LIAS: variants seen among roughly 807,000 people sequenced by gnomAD.
The protein encoded by LIAS is lipoic acid synthetase, also known as lipoyl synthase, mitochondrial.
Under a neutral mutation model 49.4 loss-of-function variants are expected in LIAS, and 36 were observed. The ratio of observed to expected loss-of-function variants is 0.73; its 90% CI spans 0.56 to 0.96. The LOEUF (loss-of-function observed/expected upper bound fraction) is 0.96, where lower values mean the gene tolerates loss of function less well. Ranked by LOEUF, LIAS falls within the 40% of genes least tolerant of loss-of-function variation. LIAS has a pLI of 0.00. For missense variants in LIAS, 399 were observed against 456.3 expected (o/e 0.87, Z 1.14); for synonymous variants, 145 against 155.8 (o/e 0.93, Z 0.52).
chr4:39,475,768 C>T (rs968125963), intron 10 of LIAS: 2 of 151,970 alleles, frequency 1.3e-5, no homozygotes, highest in African/African-American at 4.8e-5. Context: ...TTCTAGCTAC[C>T]CAGGAGGTTG....
In LIAS at chr4:39,478,206, C is replaced by A. The variant is rs1745270649; in HGVS notation, c.*1091C>A. 1 of 152,104 alleles carries A rather than the reference C, an allele frequency of 6.6e-6. No homozygotes were observed. Among genetic ancestry groups the A allele is most frequent in the South Asian group, 2.1e-4 (1 of 4,826 alleles). The allele number at this position is 152,104 out of a possible 1,614,324, so 9.4% of individuals were successfully genotyped here. A position where few individuals can be genotyped will look rare whatever the true frequency, so the allele number is the denominator to read the frequency against. On this transcript the variant is annotated 3_prime_UTR_variant, in exon 11 of 11. Transcript: ENST00000640888. ...GTAATATTGGAATAATTTAGAAAGGCTTAAGAGTGAATGTTGGCCAGATGT... is the reference window on the plus strand; with the variant it reads ...GTAATATTGGAATAATTTAGAAAGGATTAAGAGTGAATGTTGGCCAGATGT...
rs766866733 is a variant in LIAS, at chr4:39,471,517, A to AT, written c.954+238dup. Among the ~76,000 whole-genome samples, 1,406 of 74,236 alleles carry AT rather than the reference A, an allele frequency of 0.019. 218 individuals carry two copies. The highest frequency in any genetic ancestry group is 0.039 in the African/African-American group (797 of 20,602). 48.7% of individuals were successfully genotyped at this position (74,236 alleles called of 152,430 possible). A position where few individuals can be genotyped will look rare whatever the true frequency, so the allele number is the denominator to read the frequency against. On this transcript the variant is annotated intron_variant, in intron 9 of 10. Coordinates refer to ENST00000640888, the MANE Select transcript of LIAS (RefSeq NM_006859.4). The stretch of plus-strand genomic sequence containing the variant: ...TCCGGCTAAAATATACATATATATA[A>AT]TTTTTTTTTTTTTTTTTTTTTTTTT...
chr4:39,466,567 TA>T (rs59922900), intron 6 of LIAS: 70 of 144,068 alleles, frequency 4.9e-4, no homozygotes, highest in Non-Finnish European at 4.4e-4. Context: ...AAAAATAAAT[TA>T]AAAAAAAAAA....
At chr4:39,467,100 C>G (rs1744786249) in intron 6 of LIAS, 1 of 152,066 alleles carries the variant, frequency 6.6e-6, no homozygotes, top group African/African-American at 2.4e-5. Context: ...TTAAAGAAAT[C>G]AAAATTAAAG....
chr4:39,465,344 T>G lies in LIAS; in HGVS notation c.608+2T>G. 1 of 1,606,314 alleles carries G rather than the reference T, an allele frequency of 6.2e-7. No homozygotes were observed. The highest frequency in any genetic ancestry group is 1.1e-5 in the South Asian group (1 of 89,334). Reference sequence around the variant, plus strand: ...GACCGTATCATATTTAAAGGAAAGGTACTTATTTTTGCATTTGTGTAATTT... The same window carrying G: ...GACCGTATCATATTTAAAGGAAAGGGACTTATTTTTGCATTTGTGTAATTT... On this transcript the variant is annotated splice_donor_variant, in intron 6 of 10. Transcript: ENST00000640888. LOFTEE classifies it high-confidence loss of function.
chr4:39,472,204 A>C (rs1472259841), intron 9 of LIAS, among the ~76,000 whole-genome samples: 2 of 152,112 alleles, frequency 1.3e-5, no homozygotes, highest in Non-Finnish European at 2.9e-5. Flanking sequence ...TTTTTGAAGA[A>C]AATCATAAGG....
In LIAS at chr4:39,477,195, T is replaced by C; in HGVS notation, c.*80T>C. ...ATAACAGAGGTGGTGCCAGAATGCC[T>C]GGACTGCAGTGGATGTGCCCCACCT... is the stretch of plus-strand genomic sequence containing the variant. On this transcript the variant is annotated 3_prime_UTR_variant, in exon 11 of 11. Transcript: ENST00000640888. The C allele has an allele frequency of 9.6e-7, 1 of 1,036,718 alleles. No individual in the cohort carries two copies. The highest frequency in any genetic ancestry group is 1.4e-5 in the South Asian group (1 of 69,872). The allele number at this position is 1,036,718 out of a possible 1,614,324, so 64.2% of individuals were successfully genotyped here.
At chr4:39,459,706 GTTC>G (rs1645617112) in intron 1 of LIAS, among the ~76,000 whole-genome samples, 1 of 152,220 alleles carries the variant, frequency 6.6e-6, no homozygotes, top group African/African-American at 2.4e-5. Context: ...GATTTCTTAT[GTTC>G]TTGACTGCCA....
In LIAS at chr4:39,470,018, G is replaced by A. The variant is rs2109882811; in HGVS notation, c.738-1G>A. On this transcript the variant is annotated splice_acceptor_variant, in intron 7 of 10. Transcript: ENST00000640888. LOFTEE classifies it high-confidence loss of function. Reference sequence around the variant, plus strand: ...CTGACAACAGTCCTGCTGTTTTCCAGTAAGGTTCGTGATCCTCGGGCCAAT... The same window carrying A: ...CTGACAACAGTCCTGCTGTTTTCCAATAAGGTTCGTGATCCTCGGGCCAAT... The A allele has an allele frequency of 6.2e-7, 1 of 1,605,820 alleles. No individual in the cohort carries two copies. Among genetic ancestry groups the A allele is most frequent in the Middle Eastern group, 1.7e-4 (1 of 6,036 alleles).
intron 6 of LIAS, chr4:39,466,097 C>T (rs1744745418): frequency 6.6e-6 from 1 of 152,206 alleles, no homozygotes; most frequent in Non-Finnish European, 1.5e-5. Context: ...GCCTCAGCCT[C>T]CCAAGTAGCT....
intron 2 of LIAS, 38 bp downstream of exon 2, chr4:39,461,000 C>T: frequency 6.6e-7 from 1 of 1,516,996 alleles, no homozygotes; most frequent in Non-Finnish European, 8.9e-7. Flanking sequence ...CGTCCCGTTC[C>T]TTTATTGTGC....
chr4:39,466,091 C>T (rs1393445305), intron 6 of LIAS: 1 of 152,210 alleles, frequency 6.6e-6, no homozygotes, highest in African/African-American at 2.4e-5. Flanking sequence ...CCTTCTGCCT[C>T]AGCCTCCCAA....
chr4:39,463,589 C>T lies in LIAS; in HGVS notation c.377C>T (p.Ala126Val). 6.2e-7 allele frequency: 1 copy of T among 1,612,686 alleles called. No homozygotes were observed. Among genetic ancestry groups the T allele is most frequent in the Non-Finnish European group, 8.5e-7 (1 of 1,179,188 alleles). The change falls in exon 4 of 11, where the codon GCC becomes GTC. Residue 126 changes from alanine to valine, a missense_variant. Coordinates refer to ENST00000640888, the MANE Select transcript of LIAS (RefSeq NM_006859.4). ...ECWGGGEYAT[A>V]TATIMLMGDT... ...TGGGGAGGTGGAGAATATGCCACCG[C>T]CACAGCCACGATCATGGTAGGGCCA...
At position 39,459,080 on chromosome 4, in the gene LIAS, TC is replaced by T; in HGVS notation, c.-35del. Reference sequence around the variant, plus strand: ...CCTGTCCTTTCCCGGGAGTTAGCGATCCCTCAACCCCTGCACTGCGCTAGTC... The same window carrying T: ...CCTGTCCTTTCCCGGGAGTTAGCGATCCTCAACCCCTGCACTGCGCTAGTC... On this transcript the variant is annotated 5_prime_UTR_variant, in exon 1 of 11. Transcript: ENST00000640888. The T allele has an allele frequency of 6.2e-7, 1 of 1,612,974 alleles. No individual in the cohort carries two copies. The highest frequency in any genetic ancestry group is 8.5e-7 in the Non-Finnish European group (1 of 1,178,934).
Position 39,465,296 on chromosome 4 carries a change from G to T in LIAS, c.562G>T (p.Gly188Trp). ...TSVDRDDMPD[G>W]GAEHIAKTVS... ...TCTTTTGTTTCTAGATATGCCTGAT[G>T]GGGGAGCTGAACACATTGCAAAGAC... The change falls in exon 6 of 11, where the codon GGG becomes TGG. Residue 188 changes from glycine (G) to tryptophan (W), a missense_variant. Around this residue, in one of 3 missense-constraint regions of LIAS, gnomAD observed 234 missense variants for 292.2 expected, o/e 0.80. Coordinates refer to ENST00000640888, the MANE Select transcript of LIAS (RefSeq NM_006859.4). 2.5e-6 allele frequency: 4 copies of T among 1,612,736 alleles called. No individual in the cohort carries two copies. The highest frequency in any genetic ancestry group is 3.4e-6 in the Non-Finnish European group (4 of 1,179,642).
At chr4:39,460,723 A>T in intron 1 of LIAS, 67 bp from the exon 2 acceptor site, 1 of 1,365,222 alleles carries the variant, frequency 7.3e-7, no homozygotes, top group Non-Finnish European at 9.8e-7. Context: ...TTTAGGTGTT[A>T]TGATGGGTTA....
chr4:39,465,161 G>A lies in LIAS; in HGVS notation c.509G>A (p.Trp170Ter). 1 of 1,614,184 alleles carries A rather than the reference G, an allele frequency of 6.2e-7. No individual in the cohort carries two copies. The highest frequency in any genetic ancestry group is 8.5e-7 in the Non-Finnish European group (1 of 1,180,012). ...AATACTGCAAAGGCAATTGCAGAAT[G>A]GGGTCTGGATTATGTTGTCCTGACA... is the stretch of plus-strand genomic sequence containing the variant. Reference protein sequence around the residue: ...PYNTAKAIAEWGLDYVVLTSV... With the variant: ...PYNTAKAIAE The change falls in exon 5 of 11, where the codon TGG becomes TAG. Residue 170 changes from tryptophan to a stop codon, truncating the protein, a stop_gained. Coordinates refer to ENST00000640888, the MANE Select transcript of LIAS (RefSeq NM_006859.4). LOFTEE classifies it high-confidence loss of function.
rs1180846638 is a variant in LIAS at position 39,477,938 on chromosome 4, C to T, written c.*823C>T. 6.6e-6 allele frequency: 1 copy of T among 152,128 alleles called. No homozygotes were observed. Among genetic ancestry groups the T allele is most frequent in the Non-Finnish European group, 1.5e-5 (1 of 68,034 alleles). 9.4% of individuals were successfully genotyped at this position (152,128 alleles called of 1,614,324 possible). A position where few individuals can be genotyped will look rare whatever the true frequency, so the allele number is the denominator to read the frequency against. ...AATGAGCTGAGGTGGTGCCACTGCT[C>T]TCCAGCCTGGGCGCTACAACTGCTC... On this transcript the variant is annotated 3_prime_UTR_variant, in exon 11 of 11. Coordinates refer to ENST00000640888, the MANE Select transcript of LIAS (RefSeq NM_006859.4).
chr4:39,476,447 T>A (rs1745195411), intron 10 of LIAS: 1 of 152,324 alleles, frequency 6.6e-6, no homozygotes, highest in Non-Finnish European at 1.5e-5. Context: ...ACTCTACCAA[T>A]AAGCATTGAG....
Sources: gnomAD v4.1 joint callset for allele counts (sites outside exome capture counted in the v4.1 genomes callset) on GRCh38, gnomAD v4.1.1 for gene constraint, gnomAD v4.1.1 regional missense constraint, MANE v1.5 for transcripts, NCBI Gene and HGNC (gene_info 2026-07-23, HGNC 2026-07-21) for gene names.